Variants in MEGF10 observed in about 807,000 individuals in gnomAD.
The protein encoded by MEGF10 is multiple epidermal growth factor-like domains protein 10.
A neutral mutation model predicts 147.5 loss-of-function variants in MEGF10; 86 were observed. The observed-to-expected ratio is 0.58, with a 90% CI of 0.49 to 0.70. The LOEUF (loss-of-function observed/expected upper bound fraction) is 0.70, where lower values mean the gene tolerates loss of function less well. Ranked by LOEUF, MEGF10 falls within the 30% of genes least tolerant of loss-of-function variation. The pLI, the probability that MEGF10 is intolerant of heterozygous loss-of-function variation, is 0.00. For synonymous variants in MEGF10, 478 were observed against 525.5 expected (o/e 0.91, Z 1.24); for missense variants, 1,329 against 1,487.3 (o/e 0.89, Z 1.75).
Position 127,397,961 on chromosome 5 carries a change from A to G in MEGF10, c.660-715A>G, listed in dbSNP as rs1347748985. ...GCCATCATTCTCAGCAAACTAACAC[A>G]GGAACAGAAAACCAAACACCGCATG... On this transcript the variant is annotated intron_variant, in intron 6 of 24. Transcript: ENST00000503335. Among the ~76,000 whole-genome samples the G allele has an allele frequency of 2.6e-5, 4 of 151,930 alleles. No homozygotes were observed. The East Asian group carries it at 5.8e-4, about 22-fold the overall frequency.
intron 9 of MEGF10, among the ~76,000 whole-genome samples, chr5:127,415,332 C>T (rs879446071): frequency 1.3e-5 from 2 of 152,154 alleles, no homozygotes; most frequent in African/African-American, 2.4e-5. Flanking sequence ...ATTGTATAGT[C>T]ACTGTAGCTA....
chr5:127,356,591 A>G (rs79906528), intron 4 of MEGF10, among the ~76,000 whole-genome samples: 2,129 of 152,310 alleles, frequency 0.014, 57 homozygotes, highest in South Asian at 0.094. Context: ...GATTTAAGCT[A>G]AAAAACAATA....
the MEGF10 span, among the ~76,000 whole-genome samples, chr5:127,281,821 C>A: frequency 6.6e-6 from 1 of 152,202 alleles, no homozygotes; most frequent in South Asian, 2.1e-4. Context: ...ATGACCACAA[C>A]CCGAGTTCTT....
chr5:127,435,305 A>G, intron 15 of MEGF10, 56 bp from the exon 16 acceptor site: 3 of 1,602,442 alleles, frequency 1.9e-6, no homozygotes, highest in Non-Finnish European at 2.6e-6. Flanking sequence ...CTAAGATTCT[A>G]GGGTTCTGCG....
the MEGF10 span, among the ~76,000 whole-genome samples, chr5:127,264,598 CT>C: frequency 6.6e-6 from 1 of 152,098 alleles, no homozygotes; most frequent in African/African-American, 2.4e-5. Context: ...CTATGTTGCA[CT>C]CTCCATCAGG....
At chr5:127,452,177 A>G (rs1766176962) in intron 22 of MEGF10, among the ~76,000 whole-genome samples, 1 of 152,246 alleles carries the variant, frequency 6.6e-6, no homozygotes, top group South Asian at 2.1e-4. Context: ...AGAATCTGGC[A>G]GGGGTGTCTG....
chr5:127,282,752 G>T, the MEGF10 span, among the ~76,000 whole-genome samples: 1 of 152,172 alleles, frequency 6.6e-6, no homozygotes, highest in South Asian at 2.1e-4. Context: ...TGGAAGGATG[G>T]TGTATCAGGC....
At chr5:127,433,639 T>C (rs1469014072) in intron 14 of MEGF10, 130 bp downstream of exon 14, 8 of 1,107,102 alleles carry the variant, frequency 7.2e-6, no homozygotes, top group Non-Finnish European at 8.9e-6. Context: ...GAGAGTGTAA[T>C]GGTTCACTTG....
chr5:127,427,942 T>A (rs1765261239), intron 13 of MEGF10, among the ~76,000 whole-genome samples: 1 of 152,090 alleles, frequency 6.6e-6, no homozygotes, highest in Admixed American at 6.5e-5. Flanking sequence ...TTCATATGTA[T>A]ATGTCTGTCT....
chr5:127,452,837 TAC>T (rs1277678832), intron 22 of MEGF10, among the ~76,000 whole-genome samples: 18 of 152,184 alleles, frequency 1.2e-4, no homozygotes, highest in Non-Finnish European at 2.2e-4. Flanking sequence ...AATTCTTCAC[TAC>T]ACACCCATTT....
the MEGF10 span, among the ~76,000 whole-genome samples, chr5:127,264,518 G>C: frequency 2.0e-5 from 3 of 152,230 alleles, no homozygotes; most frequent in East Asian, 5.8e-4. Context: ...AACAAGCTCA[G>C]CTGCAGGCAA....
At chr5:127,429,036 G>T (rs1258610688) in intron 13 of MEGF10, among the ~76,000 whole-genome samples, 1 of 152,172 alleles carries the variant, frequency 6.6e-6, no homozygotes, top group Non-Finnish European at 1.5e-5. Flanking sequence ...GTCCCTTACA[G>T]ATCTCCTTAT....
At chr5:127,410,714 C>T in intron 9 of MEGF10, 113 bp downstream of exon 9, 1 of 902,014 alleles carries the variant, frequency 1.1e-6, no homozygotes, top group Non-Finnish European at 1.7e-6. Context: ...CCCCTCCTGC[C>T]TCTAGGCTAC....
intron 3 of MEGF10, among the ~76,000 whole-genome samples, chr5:127,340,156 A>C (rs1413259232): frequency 6.6e-6 from 1 of 152,026 alleles, no homozygotes; most frequent in Non-Finnish European, 1.5e-5. Flanking sequence ...AGTTCAATGG[A>C]GAGGTCTTTT....
At chr5:127,254,837 T>G in the MEGF10 span, among the ~76,000 whole-genome samples, 2 of 151,678 alleles carry the variant, frequency 1.3e-5, no homozygotes, top group Admixed American at 1.3e-4. Context: ...GCTTTGTTAT[T>G]GATATTGATA....
intron 22 of MEGF10, among the ~76,000 whole-genome samples, chr5:127,449,614 G>A (rs1352041789): frequency 6.6e-6 from 1 of 152,074 alleles, no homozygotes; most frequent in African/African-American, 2.4e-5. Context: ...GGACCTCATC[G>A]CCTGTTAAAT....
the MEGF10 span, among the ~76,000 whole-genome samples, chr5:127,235,443 G>A: frequency 6.0e-4 from 91 of 152,306 alleles, no homozygotes; most frequent in African/African-American, 2.1e-3. Flanking sequence ...ATTCTCAAAT[G>A]TGTCCTCTTC....
chr5:127,327,068 C>G (rs1035651265), intron 1 of MEGF10, among the ~76,000 whole-genome samples: 5 of 152,298 alleles, frequency 3.3e-5, no homozygotes, highest in African/African-American at 1.2e-4. Context: ...TGATTATTTA[C>G]TGAGGCTTTT....
chr5:127,243,096 A>G, the MEGF10 span, among the ~76,000 whole-genome samples: 1 of 152,204 alleles, frequency 6.6e-6, no homozygotes, highest in Middle Eastern at 3.2e-3. Context: ...AGCATAATAT[A>G]TATTCCACAC....
Sources: gnomAD v4.1 joint callset for allele counts (sites outside exome capture counted in the v4.1 genomes callset) on GRCh38, gnomAD v4.1.1 for gene constraint, MANE v1.5 for transcripts, NCBI Gene and HGNC (gene_info 2026-07-23, HGNC 2026-07-21) for gene names.